The following MEGF11 variants were observed in gnomAD, a reference collection of about 807,000 sequenced individuals.
The protein encoded by MEGF11 is multiple epidermal growth factor-like domains protein 11.
MEGF11 carries 126 observed loss-of-function variants against 146.6 expected under a neutral mutation model. The observed-to-expected ratio is 0.86, with a 90% CI of 0.74 to 1.00. The LOEUF is 1.00. Ranked by LOEUF, MEGF11 falls within the 50% of genes least tolerant of loss-of-function variation. The probability of loss-of-function intolerance (pLI) is 0.00; values close to 1 mark genes in which losing one functional copy is unlikely to be tolerated. For missense variants in MEGF11, 1,509 were observed against 1,521.2 expected (o/e 0.99, Z 0.13); for synonymous variants, 532 against 583.4 (o/e 0.91, Z 1.27).
chr15:65,934,086 G>A lies in MEGF11; in HGVS notation c.1288-3143C>T, dbSNP rs527704069. 5.4e-4 allele frequency among the ~76,000 whole-genome samples: 82 copies of A among 152,284 alleles called. 1 individual carries two copies. The highest frequency in any genetic ancestry group is 3.4e-3 in the Middle Eastern group (1 of 294). On this transcript the variant is annotated intron_variant, in intron 10 of 25. Coordinates refer to ENST00000395614, the MANE Select transcript of MEGF11 (RefSeq NM_001385028.1). ...GGAACTTTTATCACCACACACTACA[G>A]GTATGGTCTTGGAGGACGGAATGAC...
intron 1 of MEGF11, among the ~76,000 whole-genome samples, chr15:66,142,259 G>A (rs74338739): frequency 1.3e-3 from 193 of 152,300 alleles, no homozygotes; most frequent in African/African-American, 4.5e-3. Context: ...GAGCCCCCGC[G>A]ATGGGAACTG....
intron 1 of MEGF11, among the ~76,000 whole-genome samples, chr15:66,146,528 T>C (rs974648361): frequency 2.0e-5 from 3 of 152,272 alleles, no homozygotes; most frequent in African/African-American, 7.2e-5. Flanking sequence ...AAGACACGGA[T>C]TGGTGCATGC....
intron 1 of MEGF11, among the ~76,000 whole-genome samples, chr15:66,243,358 C>T (rs559464362): frequency 1.1e-4 from 16 of 152,358 alleles, no homozygotes; most frequent in Admixed American, 2.6e-4. Context: ...GGGCCCTGAC[C>T]GGGGAGGCAG....
chr15:66,170,491 T>A (rs575253299), intron 1 of MEGF11, among the ~76,000 whole-genome samples: 1 of 152,278 alleles, frequency 6.6e-6, no homozygotes, highest in Non-Finnish European at 1.5e-5. Context: ...CTGCGATGGG[T>A]TCAGGCCCAG....
At chr15:65,901,826 A>G (rs1034721427) in intron 24 of MEGF11, 2 of 152,236 alleles carry the variant, frequency 1.3e-5, no homozygotes, top group African/African-American at 4.8e-5. Flanking sequence ...TACATCGTGA[A>G]TAGGGCTGGG....
In MEGF11 at chr15:66,033,337, G is replaced by C. The variant is rs570560614; in HGVS notation, c.395-50849C>G. ...GCTCTAGGAGGGCAGAATGGTTTTG[G>C]GGGAAGGGCCCCAGGGTGCCCTCCA... On this transcript the variant is annotated intron_variant, in intron 5 of 25. Coordinates refer to ENST00000395614, the MANE Select transcript of MEGF11 (RefSeq NM_001385028.1). Among the ~76,000 whole-genome samples, 6 of 152,250 alleles carry C rather than the reference G, an allele frequency of 3.9e-5. No homozygotes were observed. In the South Asian group the frequency reaches 1.2e-3, roughly 32 times the overall value.
Position 66,094,415 on chromosome 15 carries a change from G to A in MEGF11, c.381C>T (p.Pro127=), listed in dbSNP as rs944924051. 4.5e-6 allele frequency: 7 copies of A among 1,558,746 alleles called. No individual in the cohort carries two copies. The highest frequency in any genetic ancestry group is 1.7e-4 in the Middle Eastern group (1 of 5,940). Residue 127 remains proline (P), a synonymous_variant, in exon 5 of 26, where the codon CCC becomes CCT. Coordinates refer to ENST00000395614, the MANE Select transcript of MEGF11 (RefSeq NM_001385028.1). ...TCHCEPGWGG[P]DCSSGCDSDH... ...CCCCAGACTCACCGCTGGAGCAGTC[G>A]GGCCCTCCCCAGCCAGGCTCGCAGT...
At position 65,950,584 on chromosome 15, in the gene MEGF11, GACACACACAC is replaced by G. The variant is rs57977250; in HGVS notation, c.1287+6953_1287+6962del. On this transcript the variant is annotated intron_variant, in intron 10 of 25. Coordinates refer to ENST00000395614, the MANE Select transcript of MEGF11 (RefSeq NM_001385028.1). ...CAATAGAGTGAGGCTTAGACACACA[GACACACACAC>G]ACACACACACACACACACACACACA... Among the ~76,000 whole-genome samples, 358 of 148,936 alleles carry G rather than the reference GACACACACAC, an allele frequency of 2.4e-3. 2 individuals carry two copies. Among genetic ancestry groups the G allele is most frequent in the African/African-American group, 7.6e-3 (306 of 40,296 alleles).
intron 13 of MEGF11, 62 bp from the exon 14 acceptor site, chr15:65,923,031 A>C (rs1596845490): frequency 6.4e-7 from 1 of 1,562,840 alleles, no homozygotes; most frequent in East Asian, 2.3e-5. Context: ...GGAAGAATGG[A>C]GGGAAGGGGG....
chr15:65,917,103 TC>T (rs1277503095), intron 16 of MEGF11, 147 bp from the exon 17 acceptor site: 2 of 850,206 alleles, frequency 2.4e-6, no homozygotes, highest in Non-Finnish European at 1.7e-6. Flanking sequence ...CATGCACTGT[TC>T]CCAGAATTCC....
At chr15:65,915,088 T>C (rs1043536703) in intron 19 of MEGF11, among the ~76,000 whole-genome samples, 2 of 152,234 alleles carry the variant, frequency 1.3e-5, no homozygotes, top group Non-Finnish European at 2.9e-5. Flanking sequence ...TAATCTACTC[T>C]TCCCGCTTTG....
intron 4 of MEGF11, among the ~76,000 whole-genome samples, chr15:66,111,028 T>C (rs2087369119): frequency 6.6e-6 from 1 of 152,018 alleles, no homozygotes; most frequent in Non-Finnish European, 1.5e-5. Flanking sequence ...AAACCCACTG[T>C]AGGAGGGGAA....
intron 4 of MEGF11, among the ~76,000 whole-genome samples, chr15:66,114,119 ATATTGT>A (rs1407132007): frequency 6.6e-6 from 1 of 152,200 alleles, no homozygotes; most frequent in Non-Finnish European, 1.5e-5. Context: ...AACCTGTCTC[ATATTGT>A]TATTAAGTGC....
At chr15:66,028,449 G>T (rs1326800062) in intron 5 of MEGF11, among the ~76,000 whole-genome samples, 2 of 152,196 alleles carry the variant, frequency 1.3e-5, no homozygotes, top group Admixed American at 6.5e-5. Context: ...TTGAAAATAG[G>T]AATGATCAAA....
In MEGF11 at chr15:65,982,885, C is replaced by G. The variant is rs1393507350; in HGVS notation, c.395-397G>C. Among the ~76,000 whole-genome samples the G allele has an allele frequency of 6.6e-6, 1 of 151,886 alleles. No individual in the cohort carries two copies. The highest frequency in any genetic ancestry group is 6.6e-5 in the Admixed American group (1 of 15,252). ...TCTGTTCCTTTCTGCCGGGCCCTTT[C>G]TTTTCCCATCTGCCACCCCTCTCCT... On this transcript the variant is annotated intron_variant, in intron 5 of 25. Coordinates refer to ENST00000395614, the MANE Select transcript of MEGF11 (RefSeq NM_001385028.1). The surrounding 1 kb of genome is among the most constrained non-coding windows in gnomAD (Gnocchi z 5.6).
chr15:65,937,822 C>A (rs946786795), intron 10 of MEGF11, among the ~76,000 whole-genome samples: 1 of 152,236 alleles, frequency 6.6e-6, no homozygotes, highest in African/African-American at 2.4e-5. Context: ...AAAGAAAAAC[C>A]TTGGTGTTTC....
chr15:66,235,916 C>T (rs1288004498), intron 1 of MEGF11, among the ~76,000 whole-genome samples: 1 of 152,188 alleles, frequency 6.6e-6, no homozygotes, highest in East Asian at 1.9e-4. Context: ...CCAGGGACAG[C>T]ACTGGGTACT....
At chr15:66,143,203 G>A (rs893327045) in intron 1 of MEGF11, among the ~76,000 whole-genome samples, 1 of 152,240 alleles carries the variant, frequency 6.6e-6, no homozygotes, top group African/African-American at 2.4e-5. Context: ...TGAAGACGGT[G>A]GTGGTGGGAA....
chr15:65,922,854 G>T lies in MEGF11; in HGVS notation c.1791C>A (p.Ala597=). 1 of 1,613,770 alleles carries T rather than the reference G, an allele frequency of 6.2e-7. No homozygotes were observed. The highest frequency in any genetic ancestry group is 1.1e-5 in the South Asian group (1 of 91,062). ...GGCATAAGGGTCCTCGGAAGCCAGGGGCACACTCGCAGCTCCCATCCTCTG... is the reference window on the plus strand; with the variant it reads ...GGCATAAGGGTCCTCGGAAGCCAGGTGCACACTCGCAGCTCCCATCCTCTG... ...CSPEDGSCEC[A]PGFRGPLCQR... is the part of the protein sequence containing the mutation. Residue 597 remains alanine, a synonymous_variant, in exon 14 of 26, where the codon GCC becomes GCA. Transcript: ENST00000395614.
Sources: allele counts gnomAD v4.1 joint callset (sites outside exome capture counted in the v4.1 genomes callset), GRCh38; gene constraint gnomAD v4.1.1; non-coding constraint Gnocchi (gnomAD v3.1); transcripts MANE v1.5; gene names NCBI Gene and HGNC (gene_info 2026-07-23, HGNC 2026-07-21).